Variants in CACNA1F observed in about 807,000 individuals in gnomAD.
The protein encoded by CACNA1F is calcium voltage-gated channel subunit alpha1 F, also known as voltage-dependent L-type calcium channel subunit alpha-1F.
A neutral mutation model predicts 143.8 loss-of-function variants in CACNA1F; 59 were observed. The observed-to-expected ratio is 0.41, with a 90% CI of 0.33 to 0.51. The LOEUF (loss-of-function observed/expected upper bound fraction) is 0.51. Among genes scored for constraint, CACNA1F ranks in the 20% least tolerant of loss-of-function variants. The pLI, the probability that CACNA1F is intolerant of heterozygous loss-of-function variation, is 0.22. For missense variants in CACNA1F, 1,411 were observed against 1,647.5 expected, an observed-to-expected ratio of 0.86 and a Z score of 2.48; for synonymous variants, 643 against 649.1, an observed-to-expected ratio of 0.99 and a Z score of 0.14.
At chrX:49,217,556 T>A (rs1207755432) in intron 26 of CACNA1F, among the ~76,000 whole-genome samples, 199 bp downstream of exon 26, 1 of 109,251 alleles carries the variant, frequency 9.2e-6, no homozygotes, top group Non-Finnish European at 1.9e-5. Flanking sequence ...TGGAGTGGAA[T>A]GTAGGTCACT....
At chrX:49,216,549 T>C in intron 26 of CACNA1F, 21 bp from the exon 27 acceptor site, 1 of 1,193,819 alleles carries the variant, frequency 8.4e-7, no homozygotes, top group Non-Finnish European at 1.1e-6. Context: ...GCAAACAGGT[T>C]AGATGGGTGA....
rs782080689 is a variant in CACNA1F, at chrX:49,228,365, G to A, written c.900C>T (p.Arg300=). Residue 300 remains arginine, a synonymous_variant, in exon 7 of 48, where the codon CGC becomes CGT. Transcript: ENST00000323022. ...RACTLNQTEC[R]GRWPGPNGGI... ...CTCCATTGGGCCCTGGCCAGCGCCC[G>A]CGGCACTCAGTCTGGTTCAGCGTGC... 5.0e-6 allele frequency: 6 copies of A among 1,208,721 alleles called. No homozygotes were observed. The highest frequency in any genetic ancestry group is 3.5e-5 in the African/African-American group (2 of 57,489).
intron 8 of CACNA1F, 75 bp from the exon 9 acceptor site, chrX:49,227,202 G>A (rs2065835376): frequency 4.9e-6 from 4 of 810,598 alleles, no homozygotes; most frequent in Non-Finnish European, 5.4e-6. Flanking sequence ...AGCCACACTA[G>A]CCTCCTAGCT....
chrX:49,225,066 T>G, intron 13 of CACNA1F, 80 bp from the exon 14 acceptor site: 1 of 628,272 alleles, frequency 1.6e-6, no homozygotes, highest in East Asian at 3.5e-5. Context: ...GACCATGGGG[T>G]GACCCACGGT....
chrX:49,230,434 T>G, intron 5 of CACNA1F, 33 bp downstream of exon 5: 14 of 1,176,669 alleles, frequency 1.2e-5, no homozygotes, highest in Non-Finnish European at 1.5e-5. Flanking sequence ...ACCCCCACCC[T>G]CCACCTCCGA....
chrX:49,212,325 G>A lies in CACNA1F; in HGVS notation c.3943-17C>T, dbSNP rs1557106440. 1.7e-6 allele frequency: 2 copies of A among 1,150,376 alleles called. No individual in the cohort carries two copies. The highest frequency in any genetic ancestry group is 3.6e-5 in the South Asian group (2 of 55,234). 94.8% of individuals were successfully genotyped at this position (1,150,376 alleles called of 1,213,427 possible). Reference sequence around the variant, plus strand: ...GGGCAAGGCCTATAGGGATGGGGGAGGGGGGCAGAGAATAGATGCACAGGC... The same window carrying A: ...GGGCAAGGCCTATAGGGATGGGGGAAGGGGGCAGAGAATAGATGCACAGGC... On this transcript the variant is annotated splice_polypyrimidine_tract_variant and intron_variant, in intron 33 of 47. Coordinates refer to ENST00000323022, the MANE Select transcript of CACNA1F (RefSeq NM_001256789.3).
intron 13 of CACNA1F, 51 bp downstream of exon 13, chrX:49,225,858 G>A: frequency 3.5e-6 from 4 of 1,141,105 alleles, no homozygotes; most frequent in Non-Finnish European, 4.7e-6. Context: ...AAGCTTCTGG[G>A]GTAGAAGGAA....
chrX:49,219,577 G>T, intron 20 of CACNA1F, 57 bp downstream of exon 20: 1 of 1,176,301 alleles, frequency 8.5e-7, no homozygotes, highest in South Asian at 1.9e-5. Context: ...GCTCCTCCAT[G>T]CTCCTCCACC....
chrX:49,214,731 G>GAGGTAAT (rs1733848955), intron 29 of CACNA1F, among the ~76,000 whole-genome samples: 1 of 111,711 alleles, frequency 9.0e-6, no homozygotes, highest in East Asian at 2.8e-4. Context: ...GCCTACCTCT[G>GAGGTAAT]CACTTCTCAA....
intron 31 of CACNA1F, 64 bp downstream of exon 31, chrX:49,213,755 C>A: frequency 1.2e-6 from 1 of 826,892 alleles, no homozygotes; most frequent in Non-Finnish European, 1.8e-6. Flanking sequence ...AAAGGGAACC[C>A]CGGGATAGAG....
intron 42 of CACNA1F, chrX:49,209,012 A>C: frequency 2.5e-6 from 1 of 406,027 alleles, no homozygotes; most frequent in Non-Finnish European, 4.3e-6. Flanking sequence ...TTTTTTGTAG[A>C]GAGGCGGTTT....
At position 49,209,197 on chromosome X, in the gene CACNA1F, T is replaced by C. The variant is rs1023754497; in HGVS notation, c.4953+65A>G. On this transcript the variant is annotated intron_variant, in intron 42 of 47. Coordinates refer to ENST00000323022, the MANE Select transcript of CACNA1F (RefSeq NM_001256789.3). The stretch of plus-strand genomic sequence containing the variant: ...CTTCTTCCCAGAAGCAGTGTCAAAA[T>C]CACTCAGGGGATTGACGAAGTATTT... 2.5e-6 allele frequency: 3 copies of C among 1,181,342 alleles called. No homozygotes were observed. The African/African-American group carries it at 5.3e-5, about 21-fold the overall frequency.
In CACNA1F at chrX:49,209,892, A is replaced by G. The variant is rs1557105803; in HGVS notation, c.4690+49T>C. On this transcript the variant is annotated intron_variant, in intron 40 of 47. Transcript: ENST00000323022. ...GCTGGTTTTGTGGTGGAGAGCGATC[A>G]TCTGCCATTCAGGGGCTGGCGCGGG... is the stretch of plus-strand genomic sequence containing the variant. The G allele has an allele frequency of 4.4e-6, 5 of 1,134,459 alleles. No individual in the cohort carries two copies. The South Asian group carries it at 9.0e-5, about 21-fold the overall frequency. 93.5% of individuals were successfully genotyped at this position (1,134,459 alleles called of 1,213,427 possible).
intron 1 of CACNA1F, 29 bp downstream of exon 1, chrX:49,233,256 G>T (rs2147928065): frequency 1.7e-6 from 2 of 1,208,745 alleles, no homozygotes; most frequent in Admixed American, 4.3e-5. Flanking sequence ...TTGCTCCAAG[G>T]GTCTGCAGGG....
intron 42 of CACNA1F, 27 bp downstream of exon 42, chrX:49,209,235 C>T: frequency 2.5e-6 from 3 of 1,204,612 alleles, no homozygotes; most frequent in Non-Finnish European, 3.4e-6. Flanking sequence ...CAATCAAGTT[C>T]CTGGGAGAGT....
Position 49,209,396 on chromosome X carries a change from G to A in CACNA1F, c.4822-3C>T, listed in dbSNP as rs1266454052. Reference sequence around the variant, plus strand: ...TCCTGCAGGCTCCGCAGACCAGCCTGTGGGGGTGGAGAAATAGGTAAGCAG... The same window carrying A: ...TCCTGCAGGCTCCGCAGACCAGCCTATGGGGGTGGAGAAATAGGTAAGCAG... On this transcript the variant is annotated splice_polypyrimidine_tract_variant and splice_region_variant and intron_variant, in intron 41 of 47. Coordinates refer to ENST00000323022, the MANE Select transcript of CACNA1F (RefSeq NM_001256789.3). 8.3e-7 allele frequency: 1 copy of A among 1,209,988 alleles called. No homozygotes were observed. Among genetic ancestry groups the A allele is most frequent in the Non-Finnish European group, 1.1e-6 (1 of 894,272 alleles).
chrX:49,225,443 C>T (rs1557109640), intron 13 of CACNA1F, among the ~76,000 whole-genome samples: 1 of 111,281 alleles, frequency 9.0e-6, no homozygotes, highest in East Asian at 2.8e-4. Flanking sequence ...TACTCCTCTT[C>T]GCTGCTTCAT....
intron 19 of CACNA1F, among the ~76,000 whole-genome samples, 189 bp from the exon 20 acceptor site, chrX:49,219,979 G>A (rs1222028937): frequency 2.7e-5 from 3 of 112,102 alleles, no homozygotes; most frequent in African/African-American, 9.7e-5. Flanking sequence ...GGACACAGTA[G>A]GAGCTCAGTA....
In CACNA1F at chrX:49,230,449, G is replaced by T; in HGVS notation, c.664+18C>A. 4 of 1,207,060 alleles carry T rather than the reference G, an allele frequency of 3.3e-6. No individual in the cohort carries two copies. Among genetic ancestry groups the T allele is most frequent in the Non-Finnish European group, 4.5e-6 (4 of 893,082 alleles). On this transcript the variant is annotated intron_variant, in intron 5 of 47. Coordinates refer to ENST00000323022, the MANE Select transcript of CACNA1F (RefSeq NM_001256789.3). ...ACCCCCACCCTCCACCTCCGACCTC[G>T]GGGGATGTGCCACTCACTCGGGACC...
Sources: allele counts gnomAD v4.1 joint callset (sites outside exome capture counted in the v4.1 genomes callset), GRCh38; gene constraint gnomAD v4.1.1; transcripts MANE v1.5; gene names NCBI Gene and HGNC (gene_info 2026-07-23, HGNC 2026-07-21).